STK3: variants seen among roughly 807,000 people sequenced by gnomAD.
The protein encoded by STK3 is serine/threonine-protein kinase 3.
STK3 carries 41 observed loss-of-function variants against 58.0 expected under a neutral mutation model. That is an observed-to-expected ratio of 0.71 (90% CI 0.55 to 0.92). The LOEUF (loss-of-function observed/expected upper bound fraction) is 0.92, where lower values mean the gene tolerates loss of function less well. Ranked by LOEUF, STK3 falls within the 40% of genes least tolerant of loss-of-function variation. The probability of loss-of-function intolerance (pLI) is 0.00; values close to 1 mark genes in which losing one functional copy is unlikely to be tolerated. For missense variants in STK3, 479 were observed against 602.7 expected, an observed-to-expected ratio of 0.79 and a Z score of 2.15; for synonymous variants, 170 against 191.0, an observed-to-expected ratio of 0.89 and a Z score of 0.91.
intron 3 of STK3, among the ~76,000 whole-genome samples, chr8:98,422,077 A>G: frequency 6.6e-6 from 1 of 152,158 alleles, no homozygotes; most frequent in East Asian, 1.9e-4. Context: ...TCCAGGGAGC[A>G]CACAGGGATG....
rs541844546 is a variant in STK3, at chr8:98,510,739, A to C, written c.1317+16003T>G. 2.6e-5 allele frequency among the ~76,000 whole-genome samples: 4 copies of C among 152,222 alleles called. No individual in the cohort carries two copies. The East Asian group carries it at 7.7e-4, about 29-fold the overall frequency. The stretch of plus-strand genomic sequence containing the variant: ...GAACAGGAAAAATGCTGTTTGCTTC[A>C]ATTTTGCAAGCATTTGATTTGATTG... On this transcript the variant is annotated intron_variant, in intron 10 of 10. Transcript: ENST00000419617.
chr8:98,629,257 G>A (rs1318795885), intron 6 of STK3, among the ~76,000 whole-genome samples: 1 of 152,266 alleles, frequency 6.6e-6, no homozygotes, highest in Non-Finnish European at 1.5e-5. Flanking sequence ...AAGGAAGCTT[G>A]ACAGTCATTT....
intron 6 of STK3, among the ~76,000 whole-genome samples, chr8:98,693,975 G>A (rs1824627345): frequency 6.6e-6 from 1 of 152,044 alleles, no homozygotes; most frequent in Non-Finnish European, 1.5e-5. Context: ...CACATTTTTT[G>A]TCTCTTTTTT....
At chr8:98,911,519 A>G (rs1244581042) in intron 1 of STK3, among the ~76,000 whole-genome samples, 1 of 152,078 alleles carries the variant, frequency 6.6e-6, no homozygotes, top group Non-Finnish European at 1.5e-5. Flanking sequence ...CAGCCTCGCA[A>G]GTAGCTGGGT....
At chr8:98,901,843 G>A (rs764812909) in intron 1 of STK3, among the ~76,000 whole-genome samples, 2 of 152,234 alleles carry the variant, frequency 1.3e-5, no homozygotes, top group Non-Finnish European at 2.9e-5. Context: ...ACTGCTGTGA[G>A]TCAAATAAAT....
At chr8:98,479,502 G>C (rs1349952906) in intron 10 of STK3, among the ~76,000 whole-genome samples, 1 of 27,338 alleles carries the variant, frequency 3.7e-5, no homozygotes, top group Admixed American at 5.7e-4. Flanking sequence ...GGGGGGGGGG[G>C]CGGGAAAGGT....
chr8:98,905,126 A>G (rs1838840302), intron 1 of STK3: 1 of 1,445,100 alleles, frequency 6.9e-7, no homozygotes, highest in African/African-American at 1.4e-5. Context: ...CACGACCCGT[A>G]CGATCTACTG....
intron 1 of STK3, among the ~76,000 whole-genome samples, chr8:98,787,676 T>G (rs1015759099): frequency 2.0e-5 from 3 of 152,086 alleles, no homozygotes. Flanking sequence ...TTAAGAGCCA[T>G]GAGGAAAAAG....
intron 6 of STK3, among the ~76,000 whole-genome samples, chr8:98,673,614 G>A (rs1378082139): frequency 1.3e-5 from 2 of 152,016 alleles, no homozygotes; most frequent in East Asian, 3.8e-4. Context: ...GGAGGGGCAG[G>A]TGGGATGGTG....
At chr8:98,563,425 G>A (rs980108097) in intron 8 of STK3, among the ~76,000 whole-genome samples, 4 of 151,908 alleles carry the variant, frequency 2.6e-5, no homozygotes, top group East Asian at 1.9e-4. Context: ...ACACACACAC[G>A]TGCCTACATA....
intron 3 of STK3, among the ~76,000 whole-genome samples, chr8:98,868,228 A>C (rs532685710): frequency 1.3e-5 from 2 of 152,376 alleles, no homozygotes; most frequent in African/African-American, 4.8e-5. Context: ...CTTTTACTGA[A>C]GTCAACTTTT....
intron 10 of STK3, among the ~76,000 whole-genome samples, chr8:98,479,156 G>C (rs1263071176): frequency 6.6e-6 from 1 of 152,102 alleles, no homozygotes; most frequent in East Asian, 1.9e-4. Context: ...TGATAGTGCA[G>C]GTGTGTAGTT....
At chr8:98,866,799 C>T (rs998432032) in intron 3 of STK3, among the ~76,000 whole-genome samples, 8 of 152,158 alleles carry the variant, frequency 5.3e-5, no homozygotes, top group Non-Finnish European at 1.0e-4. Context: ...ATCCTCCTAC[C>T]GGTAGCTGGT....
At chr8:98,614,996 C>A (rs181198287) in intron 6 of STK3, among the ~76,000 whole-genome samples, 38 of 152,326 alleles carry the variant, frequency 2.5e-4, no homozygotes, top group African/African-American at 9.1e-4. Flanking sequence ...GTAAGCTCCA[C>A]GTCTAGGGGC....
intron 3 of STK3, chr8:98,429,467 C>A: frequency 1.6e-6 from 2 of 1,285,682 alleles, no homozygotes; most frequent in South Asian, 1.3e-5. Flanking sequence ...TCTTGTGCCT[C>A]TGGCACAGCC....
chr8:98,929,692 A>G (rs1008486317), intron 1 of STK3, among the ~76,000 whole-genome samples: 1 of 152,250 alleles, frequency 6.6e-6, no homozygotes, highest in East Asian at 1.9e-4. Context: ...GGTTAGTACA[A>G]TTAAATTGTG....
chr8:98,605,289 T>C (rs1816687433), intron 6 of STK3, among the ~76,000 whole-genome samples: 1 of 152,186 alleles, frequency 6.6e-6, no homozygotes, highest in Non-Finnish European at 1.5e-5. Context: ...TAAAGAAATA[T>C]CTGAGACTGG....
intron 1 of STK3, among the ~76,000 whole-genome samples, chr8:98,823,142 T>C (rs910411075): frequency 6.6e-6 from 1 of 152,130 alleles, no homozygotes; most frequent in African/African-American, 2.4e-5. Flanking sequence ...AAAAAATTAA[T>C]CCACCAACTT....
At chr8:98,893,596 A>AG in intron 1 of STK3, among the ~76,000 whole-genome samples, 1 of 145,830 alleles carries the variant, frequency 6.9e-6, no homozygotes, top group Non-Finnish European at 1.5e-5. Context: ...GAAAGAAGGA[A>AG]AGGAAAGGAA....
Sources: allele counts gnomAD v4.1 joint callset (sites outside exome capture counted in the v4.1 genomes callset), GRCh38; gene constraint gnomAD v4.1.1; transcripts MANE v1.5; gene names NCBI Gene and HGNC (gene_info 2026-07-23, HGNC 2026-07-21).